DRD3: variants seen among roughly 807,000 people sequenced by gnomAD.
The protein encoded by DRD3 is dopamine receptor D3, also known as D(3) dopamine receptor.
In DRD3, 19 loss-of-function variants were observed where a neutral mutation model predicts 36.3. The ratio of observed to expected loss-of-function variants is 0.52; its 90% CI spans 0.36 to 0.77. The LOEUF is 0.77. Ranked by LOEUF, DRD3 falls within the 30% of genes least tolerant of loss-of-function variation. The pLI is 0.00. For synonymous variants in DRD3, 195 were observed against 203.7 expected (o/e 0.96, Z 0.36); for missense variants, 465 against 505.3 (o/e 0.92, Z 0.77).
chr3:114,171,058 TC>T (rs2077835808), intron 2 of DRD3, among the ~76,000 whole-genome samples: 2 of 152,154 alleles, frequency 1.3e-5, no homozygotes, highest in African/African-American at 4.8e-5. Flanking sequence ...TAAATGTTTC[TC>T]CCCAAAAGAA....
chr3:114,132,913 A>G (rs570717166), intron 5 of DRD3, among the ~76,000 whole-genome samples: 70 of 152,370 alleles, frequency 4.6e-4, no homozygotes, highest in African/African-American at 1.5e-3. Context: ...CATCAATTGG[A>G]CATTTAATGA....
At chr3:114,187,056 T>G (rs1383907975) in intron 1 of DRD3, among the ~76,000 whole-genome samples, 1 of 152,226 alleles carries the variant, frequency 6.6e-6, no homozygotes, top group Non-Finnish European at 1.5e-5. Flanking sequence ...TTCAACTGTT[T>G]TATTCTAGGC....
chr3:114,186,491 C>A (rs1423476666), intron 1 of DRD3, among the ~76,000 whole-genome samples: 2 of 152,178 alleles, frequency 1.3e-5, no homozygotes, highest in Non-Finnish European at 2.9e-5. Flanking sequence ...GGAGGTGCAA[C>A]AACCGTGGTA....
intron 1 of DRD3, among the ~76,000 whole-genome samples, chr3:114,185,666 A>G (rs1410552995): frequency 6.6e-6 from 1 of 151,508 alleles, no homozygotes; most frequent in African/African-American, 2.4e-5. Context: ...CTGTTTCTTC[A>G]TGTGCCTTGT....
intron 2 of DRD3, 121 bp downstream of exon 2, chr3:114,171,602 C>G (rs2077842305): frequency 7.8e-7 from 1 of 1,280,478 alleles, no homozygotes; most frequent in Non-Finnish European, 1.0e-6. Flanking sequence ...AGAATGAGAG[C>G]TCTCCTTCCT....
At chr3:114,157,544 G>C (rs914417972) in intron 3 of DRD3, among the ~76,000 whole-genome samples, 1 of 152,058 alleles carries the variant, frequency 6.6e-6, no homozygotes, top group Admixed American at 6.5e-5. Context: ...TTTTTCTAGA[G>C]GTCATAGCAC....
At position 114,141,087 on chromosome 3, in the gene DRD3, A is replaced by G. The variant is rs1013739888; in HGVS notation, c.527-1391T>C. ...GCCCTTGTTGCCCAGGCTGGAATCC[A>G]ATGGCTCGATCTCGGCTCACCGCAA... On this transcript the variant is annotated intron_variant, in intron 4 of 6. Coordinates refer to ENST00000383673, the MANE Select transcript of DRD3 (RefSeq NM_000796.6). Among the ~76,000 whole-genome samples the G allele has an allele frequency of 2.0e-5, 3 of 152,236 alleles. No individual in the cohort carries two copies. In the South Asian group the frequency reaches 6.2e-4, roughly 31 times the overall value.
chr3:114,190,414 ATAT>A (rs2077998568), intron 1 of DRD3, among the ~76,000 whole-genome samples: 4 of 3,494 alleles, frequency 1.1e-3, no homozygotes, highest in Non-Finnish European at 2.5e-3. Context: ...AAAGGATAAT[ATAT>A]ATATATATAT....
chr3:114,147,217 C>T (rs560450870), intron 4 of DRD3, among the ~76,000 whole-genome samples, 198 bp downstream of exon 4: 1 of 151,936 alleles, frequency 6.6e-6, no homozygotes, highest in African/African-American at 2.4e-5. Context: ...CCCCCTGTGC[C>T]AATAATTGAT....
chr3:114,156,195 C>T (rs1261508318), intron 3 of DRD3, among the ~76,000 whole-genome samples: 1 of 152,152 alleles, frequency 6.6e-6, no homozygotes, highest in Non-Finnish European at 1.5e-5. Context: ...TATTTGACTC[C>T]AAGTTAGTAA....
At chr3:114,156,753 TTC>T (rs1480356249) in intron 3 of DRD3, among the ~76,000 whole-genome samples, 18 of 99,476 alleles carry the variant, frequency 1.8e-4, no homozygotes, top group African/African-American at 6.4e-4. Flanking sequence ...TTTTCTTTCT[TTC>T]TTTCTTTCTT....
rs562930993 is a variant in DRD3 at position 114,186,064 on chromosome 3, C to A, written c.-155-7288G>T. On this transcript the variant is annotated intron_variant, in intron 1 of 7. Transcript: ENST00000460779. ...CTGTGTCAAGGATCAGCCTGACGTGCAAATTTAAGGTTTCTTTTCTAAATC... is the reference window on the plus strand; with the variant it reads ...CTGTGTCAAGGATCAGCCTGACGTGAAAATTTAAGGTTTCTTTTCTAAATC... Among the ~76,000 whole-genome samples the A allele has an allele frequency of 1.1e-4, 16 of 152,244 alleles. No individual in the cohort carries two copies. In the East Asian group the frequency reaches 3.1e-3, roughly 29 times the overall value.
At chr3:114,180,200 T>C (rs181438348), upstream of DRD3, among the ~76,000 whole-genome samples, 2 of 152,198 alleles carry the variant, frequency 1.3e-5, no homozygotes, top group Non-Finnish European at 2.9e-5. Flanking sequence ...AATACATTTG[T>C]ATATAATTAT....
chr3:114,181,974 T>A (rs2077950714), upstream of DRD3, among the ~76,000 whole-genome samples: 1 of 152,172 alleles, frequency 6.6e-6, no homozygotes, highest in Non-Finnish European at 1.5e-5. Context: ...CCTATATGAA[T>A]AAAGGAACAT....
In DRD3 at chr3:114,139,552, A is replaced by G; in HGVS notation, c.671T>C (p.Leu224Pro). The G allele has an allele frequency of 6.2e-7, 1 of 1,614,124 alleles. No homozygotes were observed. Among genetic ancestry groups the G allele is most frequent in the Non-Finnish European group, 8.5e-7 (1 of 1,180,014 alleles). ...GTTGCACTGACTGTTCTGTCGAGTG[A>G]GGATCCTTTTCCGTCTCCTTTGTTT... ...VLKQRRRKRI[L>P]TRQNSQCNSV... The change falls in exon 5 of 7, where the codon CTC (leucine) becomes CCC (proline). Residue 224 changes from leucine (L) to proline (P), a missense_variant. By Grantham distance (98) the Leu-to-Pro change is moderately conservative (BLOSUM62 -3). Transcript: ENST00000383673.
intron 3 of DRD3, among the ~76,000 whole-genome samples, chr3:114,152,030 T>C (rs954477600): frequency 6.6e-6 from 1 of 152,276 alleles, no homozygotes; most frequent in Non-Finnish European, 1.5e-5. Flanking sequence ...ACTTCTGAAG[T>C]GGAACCCAGA....
chr3:114,158,148 G>A (rs187700729), intron 3 of DRD3, among the ~76,000 whole-genome samples: 29 of 151,858 alleles, frequency 1.9e-4, no homozygotes, highest in Admixed American at 7.9e-4. Flanking sequence ...GCAGTAGTAT[G>A]TGCCAGTAAT....
chr3:114,153,626 C>T lies in DRD3; in HGVS notation c.384-6069G>A, dbSNP rs140257754. Among the ~76,000 whole-genome samples the T allele has an allele frequency of 4.0e-3, 610 of 152,284 alleles. 6 individuals carry two copies. Among genetic ancestry groups the T allele is most frequent in the African/African-American group, 0.014 (583 of 41,544 alleles). The stretch of plus-strand genomic sequence containing the variant: ...AATTGACTTGCCCAAGGTCACATTG[C>T]TATTAAACTGTAGAGCCTGGATTTT... On this transcript the variant is annotated intron_variant, in intron 3 of 6. Coordinates refer to ENST00000383673, the MANE Select transcript of DRD3 (RefSeq NM_000796.6).
At chr3:114,168,543 AG>A (rs1349244737) in intron 2 of DRD3, among the ~76,000 whole-genome samples, 4 of 152,072 alleles carry the variant, frequency 2.6e-5, no homozygotes, top group South Asian at 2.1e-4. Context: ...AAGCTACTAC[AG>A]GGAAAGTGCA....
Sources: allele counts gnomAD v4.1 joint callset (sites outside exome capture counted in the v4.1 genomes callset), GRCh38; gene constraint gnomAD v4.1.1; transcripts MANE v1.5; gene names NCBI Gene and HGNC (gene_info 2026-07-23, HGNC 2026-07-21).